The following SHKBP1 variants were observed in gnomAD, a reference collection of about 807,000 sequenced individuals.
SHKBP1 encodes the protein SH3KBP1-binding protein 1.
Under a neutral mutation model 83.9 loss-of-function variants are expected in SHKBP1, and 71 were observed. That is an observed-to-expected ratio of 0.85 (90% CI 0.70 to 1.03). The LOEUF (loss-of-function observed/expected upper bound fraction) is 1.03. Ranked by LOEUF, SHKBP1 falls within the 50% of genes least tolerant of loss-of-function variation. The pLI is 0.00. For missense variants in SHKBP1, 824 were observed against 982.4 expected (o/e 0.84, Z 2.16); for synonymous variants, 371 against 398.0 (o/e 0.93, Z 0.81).
chr19:40,578,480 G>A lies in SHKBP1; in HGVS notation c.338G>A (p.Arg113Gln), dbSNP rs1268661989. Residue 113 changes from arginine to glutamine, a missense_variant, in exon 6 of 18, where the codon CGA becomes CAA. Coordinates refer to ENST00000291842, the MANE Select transcript of SHKBP1 (RefSeq NM_138392.4). ...GTTGCAGTTCGTCGCCTGCAGCTTC[G>A]AGAGGAGTTGGATCGATCTTCTTGT... The part of the protein sequence containing the change: ...LTPLVRRLQL[R>Q]EELDRSSCGN... 9 of 1,614,190 alleles carry A rather than the reference G, an allele frequency of 5.6e-6. No homozygotes were observed. The highest frequency in any genetic ancestry group is 6.8e-6 in the Non-Finnish European group (8 of 1,180,032).
chr19:40,577,414 C>G lies in SHKBP1; in HGVS notation c.159C>G (p.Ile53Met). ...SFFSSLLSGRISTLKDETGAI... is the reference protein window; with the variant it reads ...SFFSSLLSGRMSTLKDETGAI... ...CCTGCAGTCTTCTGAGCGGACGCAT[C>G]TCGACGCTGAAAGATGAGACCGGAG... Residue 53 changes from isoleucine to methionine, a missense_variant, in exon 3 of 18, where the codon ATC (isoleucine) becomes ATG (methionine). By Grantham distance (10) the Ile-to-Met change is conservative. Coordinates refer to ENST00000291842, the MANE Select transcript of SHKBP1 (RefSeq NM_138392.4). 1 of 1,613,962 alleles carries G rather than the reference C, an allele frequency of 6.2e-7. No homozygotes were observed. Among genetic ancestry groups the G allele is most frequent in the Non-Finnish European group, 8.5e-7 (1 of 1,180,000 alleles).
chr19:40,577,807 C>T (rs951265625), intron 4 of SHKBP1, 177 bp downstream of exon 4: 34 of 758,754 alleles, frequency 4.5e-5, no homozygotes, highest in South Asian at 1.3e-4. Context: ...TTTGGGAGGC[C>T]GAGGTGGGAG....
In SHKBP1 at chr19:40,589,111, G is replaced by C; in HGVS notation, c.1522G>C (p.Val508Leu). The C allele has an allele frequency of 4.3e-6, 7 of 1,613,484 alleles. No individual in the cohort carries two copies. The highest frequency in any genetic ancestry group is 5.1e-6 in the Non-Finnish European group (6 of 1,180,016). ...CTACGGTGAGCGGGACGACCAGCAA[G>C]TGTTCATCCAGAAGGTGGTGCCCAG... The part of the protein sequence containing the change: ...GPYGERDDQQ[V>L]FIQKVVPSAS... The change falls in exon 15 of 18, where the codon GTG (valine) becomes CTG (leucine). Residue 508 changes from valine (V) to leucine (L), a missense_variant. Physicochemically the swap from Val to Leu is conservative, Grantham distance 32. Coordinates refer to ENST00000291842, the MANE Select transcript of SHKBP1 (RefSeq NM_138392.4).
At chr19:40,578,749 C>T (rs1312570281) in intron 6 of SHKBP1, among the ~76,000 whole-genome samples, 1 of 152,118 alleles carries the variant, frequency 6.6e-6, no homozygotes, top group Non-Finnish European at 1.5e-5. Flanking sequence ...TCTTGAGGCT[C>T]AGAAGGATGT....
intron 9 of SHKBP1, among the ~76,000 whole-genome samples, chr19:40,581,399 C>G (rs2081268690): frequency 6.6e-6 from 1 of 151,910 alleles, no homozygotes; most frequent in African/African-American, 2.4e-5. Flanking sequence ...CCTGTAATCC[C>G]AGCTACTCAG....
intron 13 of SHKBP1, 107 bp downstream of exon 13, chr19:40,587,051 A>G: frequency 9.3e-7 from 1 of 1,080,036 alleles, no homozygotes; most frequent in Non-Finnish European, 1.3e-6. Flanking sequence ...GTAGGAAGAG[A>G]GCTCTGGCGG....
At position 40,580,523 on chromosome 19, in the gene SHKBP1, G is replaced by A. The variant is rs571021786; in HGVS notation, c.562+38G>A. The A allele has an allele frequency of 1.6e-5, 26 of 1,614,000 alleles. No homozygotes were observed. The South Asian group carries it at 2.0e-4, about 12-fold the overall frequency. On this transcript the variant is annotated intron_variant, in intron 7 of 17. Transcript: ENST00000291842. ...CTCGTGGAAGGTTGGGGCAGCTGTG[G>A]GGTCCCTGTGACCCTCTTCTGATCC... is the stretch of plus-strand genomic sequence containing the variant.
In SHKBP1 at chr19:40,586,960, G is replaced by T. The variant is rs1444086998; in HGVS notation, c.1336+16G>T. ...CTCATCTCAGGTGAGCCTCTGTGGG[G>T]TGCTCCAGTGCTGGGAGAGACAGCT... On this transcript the variant is annotated intron_variant, in intron 13 of 17. Transcript: ENST00000291842. The T allele has an allele frequency of 6.3e-7, 1 of 1,577,152 alleles. No homozygotes were observed. Among genetic ancestry groups the T allele is most frequent in the East Asian group, 2.3e-5 (1 of 43,536 alleles).
chr19:40,579,664 A>C (rs2081250443), intron 6 of SHKBP1, among the ~76,000 whole-genome samples: 1 of 152,110 alleles, frequency 6.6e-6, no homozygotes, highest in Non-Finnish European at 1.5e-5. Flanking sequence ...TGCTGTCTCA[A>C]AACAAAACAA....
intron 12 of SHKBP1, chr19:40,586,551 G>A (rs2081313558): frequency 2.6e-6 from 1 of 381,152 alleles, no homozygotes; most frequent in Non-Finnish European, 4.7e-6. Context: ...ATTTTTACTA[G>A]AGACAGGGTT....
chr19:40,583,784 C>G (rs2081289845), intron 12 of SHKBP1, 67 bp downstream of exon 12: 1 of 1,241,896 alleles, frequency 8.1e-7, no homozygotes, highest in African/African-American at 1.5e-5. Flanking sequence ...TGCAGCTGTC[C>G]CCCAACTTGT....
intron 10 of SHKBP1, among the ~76,000 whole-genome samples, chr19:40,582,714 T>C (rs899653696): frequency 1.3e-5 from 2 of 151,694 alleles, no homozygotes; most frequent in Non-Finnish European, 1.5e-5. Flanking sequence ...GGGAGGATTG[T>C]CTTGGGACTG....
In SHKBP1 at chr19:40,590,737, C is replaced by A; in HGVS notation, c.1776C>A (p.Gly592=). ...TGCTTCCGTGCCCCCCAGCAGGTGG[C>A]CTGACGGAGCAAGAGCTGATGGAAC... ...MDGLGQAPAG[G]LTEQELMEQL... The change falls in exon 17 of 18, where the codon GGC becomes GGA. Residue 592 remains glycine (G), a synonymous_variant. Coordinates refer to ENST00000291842, the MANE Select transcript of SHKBP1 (RefSeq NM_138392.4). The surrounding 1 kb of genome is among the most constrained non-coding windows in gnomAD (Gnocchi z 4.6). The A allele has an allele frequency of 1.9e-6, 3 of 1,590,496 alleles. No homozygotes were observed. Among genetic ancestry groups the A allele is most frequent in the Non-Finnish European group, 2.6e-6 (3 of 1,162,834 alleles).
At chr19:40,588,515 T>A in intron 13 of SHKBP1, 109 bp from the exon 14 acceptor site, 1 of 1,369,112 alleles carries the variant, frequency 7.3e-7, no homozygotes, top group East Asian at 2.3e-5. Context: ...AGGGAAGAAC[T>A]CAGCAAGGGC....
chr19:40,591,267 C>G lies in SHKBP1; in HGVS notation c.*60C>G. 1.4e-6 allele frequency: 2 copies of G among 1,446,546 alleles called. No homozygotes were observed. The highest frequency in any genetic ancestry group is 1.9e-6 in the Non-Finnish European group (2 of 1,076,298). The allele number at this position is 1,446,546 out of a possible 1,614,324, so 89.6% of individuals were successfully genotyped here. ...GGTCCTGGGGGACTCAGGTGCCTCC[C>G]TGATTCCTGTGGGAACCCCGGGTTC... On this transcript the variant is annotated 3_prime_UTR_variant, in exon 18 of 18. Transcript: ENST00000291842.
At chr19:40,587,756 T>A (rs895454592) in intron 13 of SHKBP1, among the ~76,000 whole-genome samples, 9 of 152,030 alleles carry the variant, frequency 5.9e-5, no homozygotes, top group African/African-American at 2.2e-4. Context: ...TTTAAAAAAT[T>A]AGCCAAGTAT....
In SHKBP1 at chr19:40,588,991, G is replaced by T. The variant is rs1427299508; in HGVS notation, c.1493-91G>T. The T allele has an allele frequency of 2.1e-6, 3 of 1,404,850 alleles. No homozygotes were observed. In the African/African-American group the frequency reaches 4.2e-5, roughly 20 times the overall value. The allele number at this position is 1,404,850 out of a possible 1,614,324, so 87.0% of individuals were successfully genotyped here. ...CTAACAACCTGGGGATGGGACTGGG[G>T]TCTTGGGGTGGTGGGTTTCATCAGT... On this transcript the variant is annotated intron_variant, in intron 14 of 17. Transcript: ENST00000291842.
chr19:40,582,320 G>T lies in SHKBP1; in HGVS notation c.845-31G>T, dbSNP rs751859984. 1.2e-5 allele frequency: 19 copies of T among 1,574,970 alleles called. No homozygotes were observed. The East Asian group carries it at 3.8e-4, about 32-fold the overall frequency. On this transcript the variant is annotated intron_variant, in intron 9 of 17. Coordinates refer to ENST00000291842, the MANE Select transcript of SHKBP1 (RefSeq NM_138392.4). Reference sequence around the variant, plus strand: ...CACCTCTCCTCCTCCATGAGGCAGGGTTCCAGCTGAGCCCTTTTTGCCCAC... The same window carrying T: ...CACCTCTCCTCCTCCATGAGGCAGGTTTCCAGCTGAGCCCTTTTTGCCCAC...
Position 40,590,634 on chromosome 19 carries a change from C to T in SHKBP1, c.1769-96C>T. On this transcript the variant is annotated intron_variant, in intron 16 of 17. Transcript: ENST00000291842. This position sits in a 1 kb window ranked among gnomAD's most constrained non-coding sequence, Gnocchi z 4.6. ...ATGCATTGATCTCTGCTTCCTCTCT[C>T]CTGTCCTGACCCTCGGTGCTTGCAC... is the stretch of plus-strand genomic sequence containing the variant. 3 of 1,456,480 alleles carry T rather than the reference C, an allele frequency of 2.1e-6. No individual in the cohort carries two copies. The highest frequency in any genetic ancestry group is 2.8e-6 in the Non-Finnish European group (3 of 1,084,222). 90.2% of individuals were successfully genotyped at this position (1,456,480 alleles called of 1,614,324 possible). A position where few individuals can be genotyped will look rare whatever the true frequency, so the allele number is the denominator to read the frequency against.
Sources: gnomAD v4.1 joint callset for allele counts (sites outside exome capture counted in the v4.1 genomes callset) on GRCh38, gnomAD v4.1.1 for gene constraint, Gnocchi (gnomAD v3.1) non-coding constraint, MANE v1.5 for transcripts, NCBI Gene and HGNC (gene_info 2026-07-23, HGNC 2026-07-21) for gene names.